MCM5: variants seen among roughly 807,000 people sequenced by gnomAD.
The protein encoded by MCM5 is DNA replication licensing factor MCM5.
Under a neutral mutation model 79.9 loss-of-function variants are expected in MCM5, and 46 were observed. The ratio of observed to expected loss-of-function variants is 0.58; its 90% CI spans 0.45 to 0.74. MCM5 has a LOEUF of 0.74. MCM5 is among the 30% of genes least tolerant of loss of function. The probability of loss-of-function intolerance (pLI) is 0.00; values close to 1 mark genes in which losing one functional copy is unlikely to be tolerated. For synonymous variants in MCM5, 404 were observed against 390.5 expected (o/e 1.03, Z -0.41); for missense variants, 883 against 1,017.0 (o/e 0.87, Z 1.79).
chr22:35,438,939 T>TCATC, the MCM5 span, among the ~76,000 whole-genome samples: 3 of 85,976 alleles, frequency 3.5e-5, no homozygotes, highest in Non-Finnish European at 7.1e-5. Context: ...ATCCATCCAT[T>TCATC]CATCCATCCA....
At chr22:35,421,740 C>G (rs901659923) in intron 15 of MCM5, 47 of 480,584 alleles carry the variant, frequency 9.8e-5, no homozygotes, top group South Asian at 8.0e-4. Context: ...CTAGGAACAA[C>G]AGTTGATGCT....
intron 4 of MCM5, among the ~76,000 whole-genome samples, chr22:35,406,010 CAAAAAAA>C (rs770329462): frequency 4.0e-4 from 50 of 124,868 alleles, no homozygotes; most frequent in South Asian, 4.0e-3. Flanking sequence ...GACTCTGTCT[CAAAAAAA>C]AAAAAAGAAA....
the MCM5 span, among the ~76,000 whole-genome samples, chr22:35,431,540 A>C: frequency 6.6e-6 from 1 of 152,162 alleles, no homozygotes; most frequent in African/African-American, 2.4e-5. Context: ...GACCGTCCCC[A>C]GCCACCCTGG....
chr22:35,424,228 G>C lies in MCM5; in HGVS notation c.2178G>C (p.Gln726His). 1.9e-6 allele frequency: 3 copies of C among 1,551,814 alleles called. No homozygotes were observed. Among genetic ancestry groups the C allele is most frequent in the Non-Finnish European group, 2.6e-6 (3 of 1,147,302 alleles). Residue 726 changes from glutamine (Q) to histidine (H), a missense_variant, in exon 17 of 17, where the codon CAG becomes CAC. Physicochemically the swap from Gln to His is conservative, Grantham distance 24 (BLOSUM62 0). Transcript: ENST00000216122. ...GCGGCGAGATCCAGCATCGCATGCA[G>C]CGCAAGGTTCTCTACCGCCTCAAGT... ...LRRGEIQHRMQRKVLYRLK is the reference protein window; with the variant it reads ...LRRGEIQHRMHRKVLYRLK
In MCM5 at chr22:35,410,865, T is replaced by C. The variant is rs1251655996; in HGVS notation, c.874T>C (p.Ser292Pro). The change falls in exon 7 of 17, where the codon TCC becomes CCC. Residue 292 changes from serine (S) to proline (P), a missense_variant. Transcript: ENST00000216122. ...RDRVGVGIRSSYIRVLGIQVD... is the reference protein window; with the variant it reads ...RDRVGVGIRSPYIRVLGIQVD... ...CAGGGTGGGCGTGGGCATCCGAAGC[T>C]CCTACATCCGTGTCCTGGGCATCCA... 1.2e-6 allele frequency: 2 copies of C among 1,612,768 alleles called. No homozygotes were observed. Among genetic ancestry groups the C allele is most frequent in the Non-Finnish European group, 1.7e-6 (2 of 1,179,008 alleles).
chr22:35,411,240 G>A (rs374669667), intron 7 of MCM5: 1 of 195,928 alleles, frequency 5.1e-6, no homozygotes. Context: ...GCAGGCAGCC[G>A]CCTAGTGTCT....
the MCM5 span, among the ~76,000 whole-genome samples, chr22:35,440,838 A>C: frequency 6.6e-6 from 1 of 152,012 alleles, no homozygotes; most frequent in Non-Finnish European, 1.5e-5. Context: ...AGGGCCAATC[A>C]CCTGAGGTCA....
intron 4 of MCM5, among the ~76,000 whole-genome samples, chr22:35,406,306 C>CCCT (rs1397112777): frequency 2.8e-5 from 4 of 142,128 alleles, no homozygotes; most frequent in Non-Finnish European, 6.1e-5. Context: ...ACCTCCCCCC[C>CCCT]CAATTGTGCT....
At chr22:35,419,846 T>C in intron 13 of MCM5, 38 bp from the exon 14 acceptor site, 1 of 1,575,158 alleles carries the variant, frequency 6.3e-7, no homozygotes, top group East Asian at 2.3e-5. Context: ...TAAGAGTCCC[T>C]CCTGGCCTCA....
At chr22:35,430,823 T>TC in the MCM5 span, among the ~76,000 whole-genome samples, 2 of 150,932 alleles carry the variant, frequency 1.3e-5, no homozygotes, top group African/African-American at 2.4e-5. Context: ...TTTTTTTTTT[T>TC]CAGTCGTATT....
chr22:35,403,662 G>A, intron 4 of MCM5, 120 bp downstream of exon 4: 1 of 1,230,758 alleles, frequency 8.1e-7, no homozygotes, highest in South Asian at 1.5e-5. Context: ...TCTCCTCCTG[G>A]AGACAAAAGG....
At chr22:35,415,138 C>T (rs1454984011) in intron 9 of MCM5, among the ~76,000 whole-genome samples, 1 of 151,994 alleles carries the variant, frequency 6.6e-6, no homozygotes, top group African/African-American at 2.4e-5. Flanking sequence ...GTGGGAGGAT[C>T]ACTTGAGCCC....
chr22:35,406,788 A>G (rs1298354919), intron 5 of MCM5, 63 bp downstream of exon 5: 3 of 1,549,108 alleles, frequency 1.9e-6, no homozygotes, highest in South Asian at 1.1e-5. Context: ...AAGGATGAGA[A>G]CAAGTAGCAA....
rs762435078 is a variant in MCM5, at chr22:35,423,259, G to A, written c.2021G>A (p.Arg674His). 15 of 1,604,876 alleles carry A rather than the reference G, an allele frequency of 9.3e-6. No homozygotes were observed. Among genetic ancestry groups the A allele is most frequent in the Admixed American group, 1.7e-5 (1 of 59,318 alleles). The change falls in exon 16 of 17, where the codon CGC (arginine) becomes CAC (histidine). Residue 674 changes from arginine to histidine, a missense_variant. Transcript: ENST00000216122. ...TSQEDQEMLS[R>H]IEKQLKRRFA... is the part of the protein sequence containing the mutation. ...CAGGAGGACCAGGAGATGCTGAGCC[G>A]CATCGAGAAGCAGCTCAAGCGCCGC...
the MCM5 span, among the ~76,000 whole-genome samples, chr22:35,447,377 T>C: frequency 6.6e-6 from 1 of 152,166 alleles, no homozygotes; most frequent in Non-Finnish European, 1.5e-5. Flanking sequence ...ATGCCCGAGA[T>C]TGTATCTGTA....
In MCM5 at chr22:35,414,018, G is replaced by T. The variant is rs758674807; in HGVS notation, c.1203+32G>T. On this transcript the variant is annotated intron_variant, in intron 9 of 16. Transcript: ENST00000216122. ...GGCCTGGGATACCTTTGCCACCTTGGCTTGCAGGGAGGAAGGCTGCAGGGC... is the reference window on the plus strand; with the variant it reads ...GGCCTGGGATACCTTTGCCACCTTGTCTTGCAGGGAGGAAGGCTGCAGGGC... 8.1e-6 allele frequency: 12 copies of T among 1,489,404 alleles called. No homozygotes were observed. In the African/African-American group the frequency reaches 1.7e-4, roughly 21 times the overall value. The allele number at this position is 1,489,404 out of a possible 1,614,324, so 92.3% of individuals were successfully genotyped here.
the MCM5 span, among the ~76,000 whole-genome samples, chr22:35,431,016 G>A: frequency 2.6e-5 from 4 of 152,272 alleles, no homozygotes; most frequent in Admixed American, 6.5e-5. Flanking sequence ...CACCAGGCCC[G>A]GGGCTGCAGC....
chr22:35,410,642 G>A (rs889259115), intron 6 of MCM5, 102 bp from the exon 7 acceptor site: 5 of 1,168,378 alleles, frequency 4.3e-6, no homozygotes, highest in East Asian at 2.4e-5. Flanking sequence ...TGGCAAAAAT[G>A]CTGCAGTGGA....
intron 2 of MCM5, chr22:35,401,640 A>G (rs758706383): frequency 1.9e-4 from 90 of 471,044 alleles, no homozygotes; most frequent in Non-Finnish European, 3.8e-4. Context: ...GGGTAAAGCC[A>G]TTCCTGCTTT....
Sources: allele counts gnomAD v4.1 joint callset (sites outside exome capture counted in the v4.1 genomes callset), GRCh38; gene constraint gnomAD v4.1.1; transcripts MANE v1.5; gene names NCBI Gene and HGNC (gene_info 2026-07-23, HGNC 2026-07-21).